AMZ1: variants seen among roughly 807,000 people sequenced by gnomAD.
The protein encoded by AMZ1 is archaemetzincin-1.
AMZ1 carries 39 observed loss-of-function variants against 29.9 expected under a neutral mutation model. The observed-to-expected ratio is 1.30, with a 90% CI of 1.01 to 1.70. The LOEUF is 1.70. Ranked by LOEUF, AMZ1 falls within the 40% of genes most tolerant of loss-of-function variation. AMZ1 has a pLI of 0.00. For synonymous variants in AMZ1, 458 were observed against 304.0 expected, an observed-to-expected ratio of 1.51 and a Z score of -5.27; for missense variants, 1,041 against 680.6, an observed-to-expected ratio of 1.53 and a Z score of -5.89.
intron 1 of AMZ1, among the ~76,000 whole-genome samples, chr7:2,697,680 C>T (rs898102899): frequency 1.3e-5 from 2 of 152,208 alleles, no homozygotes; most frequent in African/African-American, 4.8e-5. Flanking sequence ...CCGCCTCAGC[C>T]TCCTGAAGTG....
chr7:2,748,781 CAGAATCTACA>C (rs1293220544), intron 4 of AMZ1, among the ~76,000 whole-genome samples: 1 of 151,982 alleles, frequency 6.6e-6, no homozygotes, highest in Admixed American at 6.6e-5. Context: ...GGCTAATATC[CAGAATCTACA>C]ATGAACTCAA....
At chr7:2,744,526 C>T (rs1790672356) in intron 4 of AMZ1, among the ~76,000 whole-genome samples, 1 of 151,998 alleles carries the variant, frequency 6.6e-6, no homozygotes, top group Non-Finnish European at 1.5e-5. Flanking sequence ...TGTACGTCAC[C>T]ATCATCAAAG....
intron 4 of AMZ1, among the ~76,000 whole-genome samples, chr7:2,757,397 G>T (rs891628671): frequency 2.6e-5 from 4 of 152,112 alleles, no homozygotes; most frequent in African/African-American, 4.8e-5. Context: ...GCACACAGCC[G>T]TGTTATGAGG....
chr7:2,709,255 G>A lies in AMZ1; in HGVS notation c.771+11G>A. ...GTTCAGTGCTGCAAGGTGGGTGGGG[G>A]CTCTGGGGCTGGTAAGAGGGGACAG... On this transcript the variant is annotated intron_variant, in intron 5 of 6. Transcript: ENST00000683327. 6.7e-7 allele frequency: 1 copy of A among 1,488,288 alleles called. No individual in the cohort carries two copies. The highest frequency in any genetic ancestry group is 8.9e-7 in the Non-Finnish European group (1 of 1,123,034). The allele number at this position is 1,488,288 out of a possible 1,614,324, so 92.2% of individuals were successfully genotyped here.
intron 1 of AMZ1, among the ~76,000 whole-genome samples, chr7:2,692,440 G>C (rs542398901): frequency 2.0e-5 from 3 of 152,202 alleles, no homozygotes; most frequent in African/African-American, 7.2e-5. Flanking sequence ...TATTCGGGAG[G>C]CTGAGGCAGG....
At position 2,719,226 on chromosome 7, in the gene AMZ1, CTCTT is replaced by C. The variant is rs971538366; in HGVS notation, c.*6350_*6353del. Among the ~76,000 whole-genome samples the C allele has an allele frequency of 1.3e-5, 2 of 152,180 alleles. No individual in the cohort carries two copies. The highest frequency in any genetic ancestry group is 2.4e-5 in the African/African-American group (1 of 41,422). ...GTGGCCCCTGTCGGAAGGGGGGTGT[CTCTT>C]TATTCCTGCCATCCTCCGGCCGCCT... is the stretch of plus-strand genomic sequence containing the variant. On this transcript the variant is annotated 3_prime_UTR_variant, in exon 7 of 7. Transcript: ENST00000683327.
chr7:2,724,344 C>T (rs1413423149), downstream of AMZ1, among the ~76,000 whole-genome samples: 2 of 152,348 alleles, frequency 1.3e-5, no homozygotes, highest in East Asian at 1.9e-4. Context: ...TCTACTTCAA[C>T]GACAAATAGG....
At chr7:2,760,802 C>T (rs1322860322), upstream of AMZ1, among the ~76,000 whole-genome samples, 2 of 152,212 alleles carry the variant, frequency 1.3e-5, no homozygotes, top group Admixed American at 1.3e-4. Flanking sequence ...GTCCCAGCTG[C>T]GTGGCTTTAC....
chr7:2,737,274 G>GTTTTGTTTTGTTTTTTT (rs1790242698), intron 4 of AMZ1, among the ~76,000 whole-genome samples: 11 of 35,044 alleles, frequency 3.1e-4, no homozygotes, highest in African/African-American at 1.1e-3. Flanking sequence ...GTTTTGTTTT[G>GTTTTGTTTTGTTTTTTT]TTTTTTTTTT....
upstream of AMZ1, among the ~76,000 whole-genome samples, chr7:2,687,168 A>G (rs1787112790): frequency 6.6e-6 from 1 of 152,072 alleles, no homozygotes; most frequent in Admixed American, 6.5e-5. Context: ...CTCTATTAAA[A>G]ATACAAAAAT....
intron 2 of AMZ1, among the ~76,000 whole-genome samples, chr7:2,701,851 C>T (rs1235421123): frequency 1.3e-5 from 2 of 152,234 alleles, no homozygotes; most frequent in African/African-American, 4.8e-5. Context: ...GTCCGTTGGT[C>T]TCAGCATCCA....
At chr7:2,744,672 T>A (rs1303210587) in intron 4 of AMZ1, among the ~76,000 whole-genome samples, 2 of 152,128 alleles carry the variant, frequency 1.3e-5, no homozygotes, top group East Asian at 3.9e-4. Flanking sequence ...GGATGGACAA[T>A]GACTTTGACG....
chr7:2,736,388 A>G (rs148470913), intron 4 of AMZ1, among the ~76,000 whole-genome samples: 6 of 152,274 alleles, frequency 3.9e-5, no homozygotes, highest in Admixed American at 2.0e-4. Flanking sequence ...AAATGAAATG[A>G]ATTTCATTAG....
At chr7:2,754,230 T>C (rs1791181531) in intron 4 of AMZ1, among the ~76,000 whole-genome samples, 1 of 152,222 alleles carries the variant, frequency 6.6e-6, no homozygotes, top group African/African-American at 2.4e-5. Flanking sequence ...AGTGACTCAA[T>C]GGCTGGAGAG....
chr7:2,724,972 G>C (rs954922912), intron 4 of AMZ1, among the ~76,000 whole-genome samples: 5 of 140,986 alleles, frequency 3.5e-5, no homozygotes, highest in African/African-American at 1.2e-4. Flanking sequence ...CTGCGCAGAA[G>C]CACTGTGGTC....
intron 4 of AMZ1, among the ~76,000 whole-genome samples, chr7:2,735,544 C>T (rs2266920): frequency 0.13 from 19,474 of 152,158 alleles, 1,418 homozygotes; most frequent in Middle Eastern, 0.18. Context: ...AAGCAGAAAA[C>T]AGGAGGGACG....
In AMZ1 at chr7:2,688,669, G is replaced by A. The variant is rs559711841; in HGVS notation, c.-219+373G>A. ...CAGGGCCAAGCGCCCGAAAGAAGGC[G>A]TTTCCGGGCTGGGGCGAGCCAGGTG... On this transcript the variant is annotated intron_variant, in intron 1 of 6. Coordinates refer to ENST00000683327, the MANE Select transcript of AMZ1 (RefSeq NM_001384743.1). Among the ~76,000 whole-genome samples, 106 of 152,304 alleles carry A rather than the reference G, an allele frequency of 7.0e-4. 1 individual carries two copies. The Middle Eastern group carries it at 0.014, about 20-fold the overall frequency.
Position 2,741,421 on chromosome 7 carries a change from G to T in AMZ1, n.551-23291G>T, listed in dbSNP as rs527833951. Reference sequence around the variant, plus strand: ...GGGAGAGCTCACCCAGTTTCCAGAGGCTTCCACCACAGAATCTCTAAAACC... The same window carrying T: ...GGGAGAGCTCACCCAGTTTCCAGAGTCTTCCACCACAGAATCTCTAAAACC... On this transcript the variant is annotated intron_variant and non_coding_transcript_variant, in intron 4 of 4. Coordinates refer to the AMZ1 transcript ENST00000489665. Among the ~76,000 whole-genome samples the T allele has an allele frequency of 2.0e-5, 3 of 152,226 alleles. No homozygotes were observed. In the East Asian group the frequency reaches 5.8e-4, roughly 29 times the overall value.
At chr7:2,709,017 G>A in intron 4 of AMZ1, 58 bp from the exon 5 acceptor site, 1 of 1,507,628 alleles carries the variant, frequency 6.6e-7, no homozygotes, top group Non-Finnish European at 8.9e-7. Context: ...GTTTGACGGT[G>A]GGCCCCCCAG....
Sources: allele counts gnomAD v4.1 joint callset (sites outside exome capture counted in the v4.1 genomes callset), GRCh38; gene constraint gnomAD v4.1.1; transcripts MANE v1.5; gene names NCBI Gene and HGNC (gene_info 2026-07-23, HGNC 2026-07-21).